Variants in ZBTB40 observed in about 807,000 individuals in gnomAD.
The protein encoded by ZBTB40 is zinc finger and BTB domain containing 40.
A neutral mutation model predicts 117.5 loss-of-function variants in ZBTB40; 60 were observed. The observed-to-expected ratio is 0.51, with a 90% confidence interval of 0.41 to 0.63. The LOEUF is 0.63. Ranked by LOEUF, ZBTB40 falls within the 30% of genes least tolerant of loss-of-function variation. ZBTB40 has a pLI of 0.00. For missense variants in ZBTB40, 1,287 were observed against 1,498.5 expected, an observed-to-expected ratio of 0.86 and a Z score of 2.33; for synonymous variants, 525 against 577.1, an observed-to-expected ratio of 0.91 and a Z score of 1.29.
At chr1:22,525,273 G>A (rs948693865) in intron 17 of ZBTB40, among the ~76,000 whole-genome samples, 32 of 152,102 alleles carry the variant, frequency 2.1e-4, no homozygotes, top group East Asian at 1.4e-3. Flanking sequence ...GGGCTGGGGC[G>A]TCCATTTCTA....
chr1:22,523,488 A>G (rs1376568900), intron 16 of ZBTB40, among the ~76,000 whole-genome samples: 2 of 152,220 alleles, frequency 1.3e-5, no homozygotes, highest in Admixed American at 1.3e-4. Context: ...GTCAACAAGC[A>G]TGTTTTTCCA....
chr1:22,459,604 A>T (rs1037218849), intron 1 of ZBTB40, among the ~76,000 whole-genome samples: 1 of 152,188 alleles, frequency 6.6e-6, no homozygotes, highest in African/African-American at 2.4e-5. Context: ...TTAATTTTAG[A>T]GGCTTTATCA....
rs1389032584 is a variant in ZBTB40, at chr1:22,501,592, C to T, written c.932C>T (p.Ser311Phe). ...EESLDVQTVV[S>F]LLRLYQYSNP... is the part of the protein sequence containing the mutation. Reference sequence around the variant, plus strand: ...AGCCTGGATGTTCAAACTGTTGTGTCCCTGTTGAGGCTGTACCAATATTCT... The same window carrying T: ...AGCCTGGATGTTCAAACTGTTGTGTTCCTGTTGAGGCTGTACCAATATTCT... Residue 311 changes from serine (S) to phenylalanine (F), a missense_variant, in exon 4 of 18, where the codon TCC (serine) becomes TTC (phenylalanine). This residue lies in a region of ZBTB40 where 870 missense variants were observed against 934.4 expected (regional missense o/e 0.93). Transcript: ENST00000375647. 3 of 1,614,106 alleles carry T rather than the reference C, an allele frequency of 1.9e-6. No homozygotes were observed. The highest frequency in any genetic ancestry group is 2.5e-6 in the Non-Finnish European group (3 of 1,180,008).
upstream of ZBTB40, among the ~76,000 whole-genome samples, chr1:22,448,790 T>A (rs1640819169): frequency 7.0e-6 from 1 of 142,826 alleles, no homozygotes; most frequent in African/African-American, 2.4e-5. Context: ...GAAGTCGTGG[T>A]GGTTGTGTTA....
At chr1:22,491,298 T>A in intron 2 of ZBTB40, 102 bp from the exon 3 acceptor site, 1 of 1,166,660 alleles carries the variant, frequency 8.6e-7, no homozygotes, top group Non-Finnish European at 1.3e-6. Context: ...AGAGATCAGT[T>A]AAGTGCAGTA....
intron 12 of ZBTB40, among the ~76,000 whole-genome samples, chr1:22,516,386 T>A (rs1639373687): frequency 1.3e-5 from 2 of 151,906 alleles, no homozygotes. Context: ...GACATATGGG[T>A]CTGGAGTTCT....
chr1:22,449,579 C>T (rs2124373063), upstream of ZBTB40, among the ~76,000 whole-genome samples: 1 of 152,344 alleles, frequency 6.6e-6, no homozygotes, highest in East Asian at 1.9e-4. Context: ...CACTGATCCA[C>T]TGACTGTGGA....
chr1:22,490,055 G>C lies in ZBTB40; in HGVS notation c.107G>C (p.Arg36Thr), dbSNP rs1213639901. ...ATCTCCATTGGTACCATTTACTTCAGGGCTCACAAGCTTGTCCTGGCTGCT... is the reference window on the plus strand; with the variant it reads ...ATCTCCATTGGTACCATTTACTTCACGGCTCACAAGCTTGTCCTGGCTGCT... ...CTISIGTIYF[R>T]AHKLVLAAAS... Residue 36 changes from arginine (R) to threonine (T), a missense_variant, in exon 2 of 18, where the codon AGG (arginine) becomes ACG (threonine). Physicochemically the swap from Arg to Thr is moderately conservative, Grantham distance 71 (BLOSUM62 -1). This residue lies in a region of ZBTB40 where 870 missense variants were observed against 934.4 expected (regional missense o/e 0.93). Coordinates refer to ENST00000375647, the MANE Select transcript of ZBTB40 (RefSeq NM_014870.4). The C allele has an allele frequency of 1.9e-6, 3 of 1,614,094 alleles. No homozygotes were observed. The highest frequency in any genetic ancestry group is 2.5e-6 in the Non-Finnish European group (3 of 1,180,008).
intron 2 of ZBTB40, among the ~76,000 whole-genome samples, chr1:22,490,888 C>CGTTTT (rs995137481): frequency 2.0e-5 from 3 of 152,126 alleles, no homozygotes; most frequent in East Asian, 3.9e-4. Flanking sequence ...TTATCTGTTT[C>CGTTTT]GTTTTGTTTT....
chr1:22,429,689 T>C (rs1372664311), intron 1 of ZBTB40, among the ~76,000 whole-genome samples: 1 of 152,162 alleles, frequency 6.6e-6, no homozygotes, highest in African/African-American at 2.4e-5. Context: ...ACATTTTTTT[T>C]CCATTAAGTG....
At chr1:22,482,455 C>T (rs1166362676) in intron 1 of ZBTB40, among the ~76,000 whole-genome samples, 6 of 152,198 alleles carry the variant, frequency 3.9e-5, no homozygotes, top group Admixed American at 3.9e-4. Context: ...CATATTGGTA[C>T]ATTTCTTATA....
Position 22,526,379 on chromosome 1 carries a change from T to A in ZBTB40, c.3703T>A (p.Cys1235Ser), listed in dbSNP as rs1639678426. Residue 1235 changes from cysteine to serine, a missense_variant, in exon 18 of 18, where the codon TGT (cysteine) becomes AGT (serine). By Grantham distance (112) the Cys-to-Ser change is moderately radical. Coordinates refer to ENST00000375647, the MANE Select transcript of ZBTB40 (RefSeq NM_014870.4). ...DLLDGTVTLI[C>S]GEAK ...GCTGGATGGCACAGTGACGCTGATC[T>A]GTGGTGAGGCCAAATGAGCAGCCTT... is the stretch of plus-strand genomic sequence containing the variant. 6.2e-7 allele frequency: 1 copy of A among 1,614,078 alleles called. No individual in the cohort carries two copies. Among genetic ancestry groups the A allele is most frequent in the Non-Finnish European group, 8.5e-7 (1 of 1,180,050 alleles).
At chr1:22,443,190 A>G (rs1288990162) in intron 1 of ZBTB40, among the ~76,000 whole-genome samples, 3 of 152,224 alleles carry the variant, frequency 2.0e-5, no homozygotes, top group Admixed American at 2.0e-4. Context: ...AAAAAGCCAA[A>G]TACTATAAAA....
chr1:22,505,213 T>G (rs908408414), intron 5 of ZBTB40, among the ~76,000 whole-genome samples: 9 of 152,242 alleles, frequency 5.9e-5, no homozygotes, highest in Non-Finnish European at 1.0e-4. Flanking sequence ...GTAGATTACA[T>G]GTATTGAAAT....
In ZBTB40 at chr1:22,526,307, G is replaced by A; in HGVS notation, c.3631G>A (p.Ala1211Thr). 1.2e-6 allele frequency: 2 copies of A among 1,614,188 alleles called. No individual in the cohort carries two copies. The highest frequency in any genetic ancestry group is 1.7e-6 in the Non-Finnish European group (2 of 1,180,042). Reference protein sequence around the residue: ...QVFVTLPDSQASQASSELVAV... With the variant: ...QVFVTLPDSQTSQASSELVAV... Reference sequence around the variant, plus strand: ...GTTTGTGACGTTGCCAGATTCTCAGGCATCTCAGGCCAGCTCTGAGCTCGT... The same window carrying A: ...GTTTGTGACGTTGCCAGATTCTCAGACATCTCAGGCCAGCTCTGAGCTCGT... Residue 1211 changes from alanine to threonine, a missense_variant, in exon 18 of 18, where the codon GCA becomes ACA. Ala to Thr is a moderately conservative substitution (Grantham distance 58). Around this residue, in one of 2 missense-constraint regions of ZBTB40, gnomAD observed 417 missense variants for 564.1 expected, o/e 0.74. Transcript: ENST00000375647.
At chr1:22,452,794 A>C (rs1640912423) in intron 1 of ZBTB40, 1 of 152,308 alleles carries the variant, frequency 6.6e-6, no homozygotes, top group Admixed American at 6.5e-5. Flanking sequence ...TTTAGTTGAC[A>C]GAACACTCTG....
chr1:22,486,016 G>T (rs1387638786), intron 1 of ZBTB40, among the ~76,000 whole-genome samples: 2 of 151,818 alleles, frequency 1.3e-5, no homozygotes, highest in African/African-American at 4.8e-5. Flanking sequence ...ATCCTGGTGT[G>T]CTAATTCGGA....
At chr1:22,432,451 C>T (rs1466562624) in intron 1 of ZBTB40, among the ~76,000 whole-genome samples, 3 of 152,144 alleles carry the variant, frequency 2.0e-5, no homozygotes, top group African/African-American at 7.2e-5. Flanking sequence ...TCTAATGTGG[C>T]GACCACTTGC....
At chr1:22,443,792 T>C (rs907786966) in intron 1 of ZBTB40, among the ~76,000 whole-genome samples, 1 of 152,232 alleles carries the variant, frequency 6.6e-6, no homozygotes, top group Non-Finnish European at 1.5e-5. Flanking sequence ...GGGCCTGCTA[T>C]CTGTCAGGTG....
Sources: allele counts gnomAD v4.1 joint callset (sites outside exome capture counted in the v4.1 genomes callset), GRCh38; gene constraint gnomAD v4.1.1; regional missense constraint gnomAD v4.1.1; transcripts MANE v1.5; gene names NCBI Gene and HGNC (gene_info 2026-07-23, HGNC 2026-07-21).